The following SH2D4A variants were observed in gnomAD, a reference collection of about 807,000 sequenced individuals.
SH2D4A encodes SH2 domain containing 4A, also known as SH2 domain-containing protein 4A.
SH2D4A carries 70 observed loss-of-function variants against 64.7 expected under a neutral mutation model. The ratio of observed to expected loss-of-function variants is 1.08; its 90% CI spans 0.89 to 1.32. The LOEUF (loss-of-function observed/expected upper bound fraction) is 1.32, where lower values mean the gene tolerates loss of function less well. SH2D4A is among the 40% of genes most tolerant of loss of function. The pLI is 0.00. For missense variants in SH2D4A, 706 were observed against 540.1 expected, an observed-to-expected ratio of 1.31 and a Z score of -3.04; for synonymous variants, 268 against 200.7, an observed-to-expected ratio of 1.34 and a Z score of -2.83.
chr8:19,376,168 G>A (rs564415794), intron 8 of SH2D4A, among the ~76,000 whole-genome samples: 8 of 152,208 alleles, frequency 5.3e-5, no homozygotes, highest in South Asian at 4.1e-4. Context: ...CTGGAGATGC[G>A]GGGAGGAATG....
At chr8:19,335,293 C>T (rs2052429847) in intron 4 of SH2D4A, among the ~76,000 whole-genome samples, 1 of 150,962 alleles carries the variant, frequency 6.6e-6, no homozygotes, top group Non-Finnish European at 1.5e-5. Context: ...GAGACTCCAT[C>T]TCAAAAAAAA....
chr8:19,385,979 G>A (rs1563213391), intron 8 of SH2D4A, among the ~76,000 whole-genome samples: 1 of 152,118 alleles, frequency 6.6e-6, no homozygotes, highest in Non-Finnish European at 1.5e-5. Context: ...AAGCCTTTTT[G>A]TTCTTAAACC....
At chr8:19,345,220 C>A (rs138408904) in intron 4 of SH2D4A, among the ~76,000 whole-genome samples, 43 of 152,340 alleles carry the variant, frequency 2.8e-4, no homozygotes, top group African/African-American at 1.0e-3. Context: ...GACAGGACCT[C>A]ATATCCTTGT....
intron 4 of SH2D4A, among the ~76,000 whole-genome samples, chr8:19,356,809 G>C (rs1177076878): frequency 6.6e-6 from 1 of 152,238 alleles, no homozygotes; most frequent in Non-Finnish European, 1.5e-5. Flanking sequence ...GTTAAATCCA[G>C]AGACTAAGGC....
At chr8:19,334,979 C>T in intron 4 of SH2D4A, 122 bp downstream of exon 4, 1 of 1,186,068 alleles carries the variant, frequency 8.4e-7, no homozygotes, top group South Asian at 1.7e-5. Context: ...GGGAGAAATG[C>T]CTCCTAACTT....
chr8:19,334,341 C>T (rs775913995), intron 3 of SH2D4A, among the ~76,000 whole-genome samples: 8 of 149,326 alleles, frequency 5.4e-5, no homozygotes, highest in Non-Finnish European at 3.0e-5. Context: ...ATTTAATCAT[C>T]GATTGGAAGC....
At chr8:19,388,623 C>T (rs189838817) in intron 8 of SH2D4A, among the ~76,000 whole-genome samples, 533 of 152,280 alleles carry the variant, frequency 3.5e-3, no homozygotes, top group Middle Eastern at 0.01. Flanking sequence ...ACACATTTTC[C>T]AGACACAGGA....
intron 7 of SH2D4A, among the ~76,000 whole-genome samples, chr8:19,365,948 T>C (rs1003601411): frequency 2.0e-5 from 3 of 152,170 alleles, no homozygotes; most frequent in South Asian, 2.1e-4. Flanking sequence ...GTAAATATTA[T>C]AGGATATTTT....
intron 4 of SH2D4A, among the ~76,000 whole-genome samples, chr8:19,350,922 G>A (rs77982566): frequency 4.9e-4 from 75 of 152,194 alleles, no homozygotes; most frequent in African/African-American, 1.4e-3. Context: ...AGATTTTCTC[G>A]GGTTTCCATT....
chr8:19,353,375 T>G (rs945556888), intron 4 of SH2D4A, among the ~76,000 whole-genome samples: 14 of 151,100 alleles, frequency 9.3e-5, no homozygotes, highest in Admixed American at 6.6e-4. Flanking sequence ...CTAGTTTTTT[T>G]TTTTTTTTTT....
intron 4 of SH2D4A, among the ~76,000 whole-genome samples, chr8:19,347,362 A>T (rs774723193): frequency 6.6e-6 from 1 of 152,136 alleles, no homozygotes; most frequent in African/African-American, 2.4e-5. Context: ...GACTCACCCT[A>T]CCTAGGGGAG....
At chr8:19,388,841 G>GTGTGTAAAAATAAAT (rs1443609313) in intron 8 of SH2D4A, among the ~76,000 whole-genome samples, 1 of 152,210 alleles carries the variant, frequency 6.6e-6, no homozygotes, top group Non-Finnish European at 1.5e-5. Flanking sequence ...CAGGTGCTGA[G>GTGTGTAAAAATAAAT]TGTGTAAAAA....
intron 2 of SH2D4A, among the ~76,000 whole-genome samples, chr8:19,323,061 G>A (rs2052218712): frequency 6.6e-6 from 1 of 152,044 alleles, no homozygotes; most frequent in Non-Finnish European, 1.5e-5. Context: ...TATATGAGAA[G>A]ATCATTTCTG....
chr8:19,353,980 G>C (rs2052750265), intron 4 of SH2D4A, among the ~76,000 whole-genome samples: 1 of 143,706 alleles, frequency 7.0e-6, no homozygotes, highest in Non-Finnish European at 1.5e-5. Context: ...CTCTCGAGTG[G>C]TTTTTCAACT....
chr8:19,365,064 G>A (rs954128263), intron 7 of SH2D4A, among the ~76,000 whole-genome samples: 1 of 152,174 alleles, frequency 6.6e-6, no homozygotes, highest in African/African-American at 2.4e-5. Flanking sequence ...AAACAGAATT[G>A]TCTAAAGCCT....
intron 9 of SH2D4A, among the ~76,000 whole-genome samples, chr8:19,394,169 A>T (rs952184957): frequency 6.6e-6 from 1 of 152,136 alleles, no homozygotes; most frequent in Non-Finnish European, 1.5e-5. Context: ...TAATGCTGCT[A>T]CTGATCTGAC....
rs1263082491 is a variant in SH2D4A at position 19,341,933 on chromosome 8, C to A, written c.513+7076C>A. ...ACCTGAGTCAGAATGCACTTCTTAC[C>A]AGTCTGATCTAAAATCTCCCGAGGG... On this transcript the variant is annotated intron_variant, in intron 4 of 9. Coordinates refer to ENST00000265807, the MANE Select transcript of SH2D4A (RefSeq NM_022071.4). Among the ~76,000 whole-genome samples, 9 of 151,886 alleles carry A rather than the reference C, an allele frequency of 5.9e-5. No homozygotes were observed. The East Asian group carries it at 1.7e-3, about 29-fold the overall frequency.
chr8:19,389,330 A>C (rs1420087608), intron 8 of SH2D4A, among the ~76,000 whole-genome samples: 2 of 152,146 alleles, frequency 1.3e-5, no homozygotes, highest in Middle Eastern at 3.2e-3. Flanking sequence ...TATTCTAGAG[A>C]GGTTTAGAGC....
intron 8 of SH2D4A, 35 bp from the exon 9 acceptor site, chr8:19,393,283 G>T: frequency 6.3e-7 from 1 of 1,595,480 alleles, no homozygotes; most frequent in Non-Finnish European, 8.6e-7. Flanking sequence ...GGAATGATTT[G>T]GCTGAAATAC....
Sources: allele counts gnomAD v4.1 joint callset (sites outside exome capture counted in the v4.1 genomes callset), GRCh38; gene constraint gnomAD v4.1.1; transcripts MANE v1.5; gene names NCBI Gene and HGNC (gene_info 2026-07-23, HGNC 2026-07-21).